SLC5A4: variants seen among roughly 807,000 people sequenced by gnomAD.
The protein encoded by SLC5A4 is probable glucose sensor protein SLC5A4.
In SLC5A4, 55 loss-of-function variants were observed where a neutral mutation model predicts 70.3. The observed-to-expected ratio is 0.78, with a 90% CI of 0.63 to 0.98. The LOEUF (loss-of-function observed/expected upper bound fraction) is 0.98. Ranked by LOEUF, SLC5A4 falls within the 50% of genes least tolerant of loss-of-function variation. The pLI is 0.00. For missense variants in SLC5A4, 735 were observed against 839.2 expected, an observed-to-expected ratio of 0.88 and a Z score of 1.53; for synonymous variants, 268 against 305.7, an observed-to-expected ratio of 0.88 and a Z score of 1.29.
At chr22:32,271,201 G>A in the SLC5A4 span, 14 of 762,930 alleles carry the variant, frequency 1.8e-5, no homozygotes, top group Non-Finnish European at 2.7e-5. Flanking sequence ...CCAGCTCCCC[G>A]ACTGGCGGCT....
At chr22:32,304,746 TATCAA>T in the SLC5A4 span, among the ~76,000 whole-genome samples, 1 of 152,234 alleles carries the variant, frequency 6.6e-6, no homozygotes. Context: ...AAGTCCAACT[TATCAA>T]TTCTCTCTTT....
In SLC5A4 at chr22:32,230,879, TG is replaced by T. The variant is rs35120843; in HGVS notation, c.1129+88del. The T allele has an allele frequency of 4.9e-4, 371 of 762,302 alleles. 6 individuals are homozygous for T. The African/African-American group carries it at 5.5e-3, about 11-fold the overall frequency. The allele number at this position is 762,302 out of a possible 1,614,324, so 47.2% of individuals were successfully genotyped here. On this transcript the variant is annotated intron_variant, in intron 10 of 14. Coordinates refer to ENST00000266086, the MANE Select transcript of SLC5A4 (RefSeq NM_014227.3). ...TGTCTGATGAGTTGGATTGAATTAA[TG>T]GAAGGTGCAAGAATTGCACCATAAC...
chr22:32,303,510 G>C, the SLC5A4 span, among the ~76,000 whole-genome samples: 19 of 152,208 alleles, frequency 1.2e-4, no homozygotes, highest in Admixed American at 2.0e-4. Context: ...AGCAGAAGGA[G>C]GACTTTGAGT....
At chr22:32,332,153 C>T in the SLC5A4 span, among the ~76,000 whole-genome samples, 3 of 152,212 alleles carry the variant, frequency 2.0e-5, no homozygotes, top group South Asian at 2.1e-4. Flanking sequence ...GCAGCCTCTC[C>T]GGTGGACTCC....
chr22:32,336,914 G>A, the SLC5A4 span, among the ~76,000 whole-genome samples: 1 of 152,216 alleles, frequency 6.6e-6, no homozygotes, highest in African/African-American at 2.4e-5. Context: ...TTCAATAAAT[G>A]CTTGCTGAAT....
chr22:32,252,229 C>CAAA (rs35272467), intron 2 of SLC5A4, among the ~76,000 whole-genome samples: 993 of 91,350 alleles, frequency 0.011, 18 homozygotes, highest in African/African-American at 0.036. Context: ...GACTCTGTCT[C>CAAA]AAAAAAAAAA....
the SLC5A4 span, among the ~76,000 whole-genome samples, chr22:32,330,965 GGGGGCACTGGTGTGTGTGTT>G: frequency 2.0e-5 from 1 of 50,744 alleles, no homozygotes; most frequent in East Asian, 6.5e-4. Flanking sequence ...TGTGTGTGTT[GGGGGCACTGGTGTGTGTGTT>G]GGGGGCTCTG....
the SLC5A4 span, among the ~76,000 whole-genome samples, chr22:32,323,213 GAC>G: frequency 6.6e-6 from 1 of 152,066 alleles, no homozygotes; most frequent in Non-Finnish European, 1.5e-5. Context: ...CAATTGAGAA[GAC>G]ACAGAAGCAA....
intron 10 of SLC5A4, 117 bp from the exon 11 acceptor site, chr22:32,229,461 C>G (rs1317067528): frequency 1.0e-6 from 1 of 993,086 alleles, no homozygotes; most frequent in African/African-American, 1.6e-5. Flanking sequence ...ATGTCCTTAT[C>G]AATACACATC....
the SLC5A4 span, among the ~76,000 whole-genome samples, chr22:32,263,742 A>G: frequency 6.6e-6 from 1 of 152,226 alleles, no homozygotes; most frequent in African/African-American, 2.4e-5. Flanking sequence ...ATAAAGACAC[A>G]TGCACACGTA....
At chr22:32,289,240 A>G in the SLC5A4 span, among the ~76,000 whole-genome samples, 2 of 152,174 alleles carry the variant, frequency 1.3e-5, no homozygotes, top group African/African-American at 4.8e-5. Flanking sequence ...CTATTAAAGA[A>G]AAAATGTTAA....
chr22:32,333,201 C>CA, the SLC5A4 span, among the ~76,000 whole-genome samples: 2 of 147,294 alleles, frequency 1.4e-5, no homozygotes, highest in Non-Finnish European at 3.0e-5. Flanking sequence ...CTGGCACCCC[C>CA]CCCCCAGAAG....
At chr22:32,271,694 G>A in the SLC5A4 span, 11 of 569,264 alleles carry the variant, frequency 1.9e-5, no homozygotes, top group South Asian at 8.8e-5. Flanking sequence ...GCTGCACCCC[G>A]TGGGCATCAA....
chr22:32,316,932 C>CCCTGTGTGTGTG, the SLC5A4 span, among the ~76,000 whole-genome samples: 8 of 67,440 alleles, frequency 1.2e-4, no homozygotes, highest in East Asian at 4.4e-3. Context: ...TAATTAACAA[C>CCCTGTGTGTGTG]TCTGTGTGTG....
At chr22:32,325,711 G>A in the SLC5A4 span, among the ~76,000 whole-genome samples, 4 of 152,270 alleles carry the variant, frequency 2.6e-5, no homozygotes, top group African/African-American at 7.2e-5. Context: ...CTTCCCATGC[G>A]TGTGTAGCCT....
At chr22:32,225,358 G>A (rs774656552) in intron 12 of SLC5A4, among the ~76,000 whole-genome samples, 1 of 152,148 alleles carries the variant, frequency 6.6e-6, no homozygotes, top group Non-Finnish European at 1.5e-5. Flanking sequence ...ATCACAATAC[G>A]ATTAGGTGGT....
At chr22:32,220,259 T>C (rs188100175) in intron 14 of SLC5A4, among the ~76,000 whole-genome samples, 3 of 152,208 alleles carry the variant, frequency 2.0e-5, no homozygotes, top group African/African-American at 7.2e-5. Context: ...AATGCTGATA[T>C]AAAAAATCAA....
the SLC5A4 span, among the ~76,000 whole-genome samples, chr22:32,323,650 A>G: frequency 6.6e-5 from 10 of 152,240 alleles, no homozygotes; most frequent in Admixed American, 6.5e-4. Context: ...GGACAAAGTC[A>G]GAGGAGGCTT....
chr22:32,308,766 GTA>G, the SLC5A4 span, among the ~76,000 whole-genome samples: 2 of 68,098 alleles, frequency 2.9e-5, no homozygotes, highest in African/African-American at 1.1e-4. Flanking sequence ...GAAATCACAT[GTA>G]TGTGTGTGAG....
Sources: gnomAD v4.1 joint callset for allele counts (sites outside exome capture counted in the v4.1 genomes callset) on GRCh38, gnomAD v4.1.1 for gene constraint, MANE v1.5 for transcripts, NCBI Gene and HGNC (gene_info 2026-07-23, HGNC 2026-07-21) for gene names.